Variants in COL25A1 observed in about 807,000 individuals in gnomAD.
COL25A1 encodes collagen type XXV alpha 1 chain, also known as collagen alpha-1(XXV) chain.
In COL25A1, 103 loss-of-function variants were observed where a neutral mutation model predicts 128.4. The ratio of observed to expected loss-of-function variants is 0.80; its 90% CI spans 0.68 to 0.94. COL25A1 has a LOEUF of 0.94. Ranked by LOEUF, COL25A1 falls within the 40% of genes least tolerant of loss-of-function variation. The pLI is 0.00. For synonymous variants in COL25A1, 279 were observed against 277.2 expected (o/e 1.01, Z -0.06); for missense variants, 745 against 840.0 (o/e 0.89, Z 1.40).
At chr4:109,143,986 A>C (rs887025387) in intron 3 of COL25A1, among the ~76,000 whole-genome samples, 3 of 152,058 alleles carry the variant, frequency 2.0e-5, no homozygotes, top group African/African-American at 7.2e-5. Flanking sequence ...TGGTTTCTGG[A>C]ATTTTCAGCC....
At chr4:109,220,135 G>A (rs1168898649) in intron 3 of COL25A1, among the ~76,000 whole-genome samples, 4 of 152,020 alleles carry the variant, frequency 2.6e-5, no homozygotes, top group Non-Finnish European at 5.9e-5. Flanking sequence ...ATTCTATAAG[G>A]GAAAAATTCA....
chr4:108,950,704 C>G (rs1749319853), intron 8 of COL25A1, among the ~76,000 whole-genome samples: 1 of 152,252 alleles, frequency 6.6e-6, no homozygotes, highest in African/African-American at 2.4e-5. Context: ...TATAAGGATT[C>G]CTGTGGGAGG....
chr4:108,909,293 A>G (rs1743925577), intron 13 of COL25A1, among the ~76,000 whole-genome samples: 2 of 152,224 alleles, frequency 1.3e-5, no homozygotes, highest in Admixed American at 1.3e-4. Context: ...GGCAGTTTCA[A>G]TCTCTTTGTC....
intron 5 of COL25A1, 123 bp downstream of exon 5, chr4:109,048,045 T>C (rs757975212): frequency 4.5e-5 from 51 of 1,124,004 alleles, no homozygotes; most frequent in Non-Finnish European, 6.5e-5. Flanking sequence ...TTAAGTATAC[T>C]CTTAAAAGGT....
rs144872779 is a variant in COL25A1 at position 109,037,694 on chromosome 4, C to G, written c.420+10474G>C. ...CCTTCCACAGCTTAGAGCTGGCCCA[C>G]GTGTCACTTCTGAGCCATGTGTGCC... On this transcript the variant is annotated intron_variant, in intron 5 of 37. Coordinates refer to ENST00000399132, the MANE Select transcript of COL25A1 (RefSeq NM_198721.4). 7.7e-4 allele frequency among the ~76,000 whole-genome samples: 118 copies of G among 152,310 alleles called. 3 individuals carry two copies. In the East Asian group the frequency reaches 0.021, roughly 27 times the overall value.
At position 109,050,121 on chromosome 4, in the gene COL25A1, A is replaced by G. The variant is rs1225910103; in HGVS notation, c.412+14T>C. 6.2e-7 allele frequency: 1 copy of G among 1,607,300 alleles called. No individual in the cohort carries two copies. The highest frequency in any genetic ancestry group is 8.5e-7 in the Non-Finnish European group (1 of 1,175,316). ...GAACATGAGTGACACAGAGCAGCTG[A>G]AAGAGAGACTTACCAGATTCTCCTC... is the stretch of plus-strand genomic sequence containing the variant. On this transcript the variant is annotated intron_variant, in intron 4 of 37. Coordinates refer to ENST00000399132, the MANE Select transcript of COL25A1 (RefSeq NM_198721.4).
intron 26 of COL25A1, among the ~76,000 whole-genome samples, chr4:108,849,070 T>C (rs1278033554): frequency 6.6e-6 from 1 of 151,788 alleles, no homozygotes; most frequent in Non-Finnish European, 1.5e-5. Context: ...TAAAAAAGAG[T>C]GGTCAAGGAA....
chr4:109,065,541 CGCGCGTGTGTGT>C (rs1762361067), intron 3 of COL25A1, among the ~76,000 whole-genome samples: 2 of 133,558 alleles, frequency 1.5e-5, no homozygotes, highest in African/African-American at 5.7e-5. Context: ...CACGCGCGCG[CGCGCGTGTGTGT>C]GTGTGTGTGT....
chr4:109,196,806 A>G (rs1776083843), intron 3 of COL25A1, among the ~76,000 whole-genome samples: 1 of 152,198 alleles, frequency 6.6e-6, no homozygotes, highest in Admixed American at 6.5e-5. Context: ...CTGCAGAGAC[A>G]TTTTGATTAT....
At chr4:109,258,128 T>G (rs1781194941) in intron 3 of COL25A1, among the ~76,000 whole-genome samples, 1 of 152,212 alleles carries the variant, frequency 6.6e-6, no homozygotes, top group Admixed American at 6.5e-5. Context: ...AGACTCATCA[T>G]TTCACAGCTG....
chr4:108,849,542 C>T lies in COL25A1; in HGVS notation c.1390-739G>A, dbSNP rs536583484. Among the ~76,000 whole-genome samples the T allele has an allele frequency of 8.5e-5, 13 of 152,194 alleles. No individual in the cohort carries two copies. In the South Asian group the frequency reaches 1.5e-3, roughly 17 times the overall value. ...TCATTAAAAGCAAATTTATACAATA[C>T]GCCAGAAAGTTAATCGAACAGCAAA... On this transcript the variant is annotated intron_variant, in intron 26 of 37. Transcript: ENST00000399132.
intron 29 of COL25A1, among the ~76,000 whole-genome samples, chr4:108,844,795 T>C (rs1056729247): frequency 2.6e-5 from 4 of 152,120 alleles, no homozygotes; most frequent in African/African-American, 2.4e-5. Context: ...ATGAAAACTA[T>C]GTTAAAAGAA....
At chr4:109,107,797 C>CA (rs1343357512) in intron 3 of COL25A1, among the ~76,000 whole-genome samples, 2 of 152,112 alleles carry the variant, frequency 1.3e-5, no homozygotes, top group Non-Finnish European at 1.5e-5. Flanking sequence ...CCAAAAGAAA[C>CA]AAAAAATACT....
At chr4:108,970,183 T>C (rs554557628) in intron 8 of COL25A1, among the ~76,000 whole-genome samples, 1 of 152,308 alleles carries the variant, frequency 6.6e-6, no homozygotes, top group Admixed American at 6.5e-5. Flanking sequence ...ATTACAGTGG[T>C]GAGCCACTGC....
intron 3 of COL25A1, among the ~76,000 whole-genome samples, chr4:109,191,385 C>A (rs975105487): frequency 1.3e-5 from 2 of 152,156 alleles, no homozygotes; most frequent in Admixed American, 6.5e-5. Flanking sequence ...CATTTTCATA[C>A]CCTTGTGTGC....
intron 8 of COL25A1, among the ~76,000 whole-genome samples, chr4:108,967,244 T>C (rs756553211): frequency 7.9e-5 from 12 of 152,312 alleles, no homozygotes; most frequent in Middle Eastern, 6.8e-3. Flanking sequence ...AGGAACTCAA[T>C]TAAAGTATCC....
At chr4:109,092,037 T>C (rs1764959131) in intron 3 of COL25A1, among the ~76,000 whole-genome samples, 1 of 152,194 alleles carries the variant, frequency 6.6e-6, no homozygotes, top group African/African-American at 2.4e-5. Flanking sequence ...ACTGAGCTTT[T>C]CACCTTGAGG....
At chr4:108,980,650 C>G (rs1752886464) in intron 6 of COL25A1, among the ~76,000 whole-genome samples, 1 of 152,210 alleles carries the variant, frequency 6.6e-6, no homozygotes, top group African/African-American at 2.4e-5. Context: ...ACTGCCTCCC[C>G]TCAGAAGCCA....
At chr4:109,051,383 G>C (rs942029892) in intron 3 of COL25A1, among the ~76,000 whole-genome samples, 1 of 152,114 alleles carries the variant, frequency 6.6e-6, no homozygotes, top group Non-Finnish European at 1.5e-5. Context: ...AAACAATTGA[G>C]CAATAAAACC....
Sources: allele counts gnomAD v4.1 joint callset (sites outside exome capture counted in the v4.1 genomes callset), GRCh38; gene constraint gnomAD v4.1.1; transcripts MANE v1.5; gene names NCBI Gene and HGNC (gene_info 2026-07-23, HGNC 2026-07-21).